Variants in NEO1 observed in about 807,000 individuals in gnomAD.
NEO1 encodes neogenin.
A neutral mutation model predicts 159.7 loss-of-function variants in NEO1; 63 were observed. The observed-to-expected ratio is 0.39, with a 90% CI of 0.32 to 0.49. NEO1 has a LOEUF of 0.49. Ranked by LOEUF, NEO1 falls within the 20% of genes least tolerant of loss-of-function variation. NEO1 has a pLI of 0.85. For synonymous variants in NEO1, 633 were observed against 662.0 expected, an observed-to-expected ratio of 0.96 and a Z score of 0.67; for missense variants, 1,615 against 1,831.0, an observed-to-expected ratio of 0.88 and a Z score of 2.15.
chr15:73,182,485 T>C (rs1196995921), intron 7 of NEO1, among the ~76,000 whole-genome samples: 1 of 152,122 alleles, frequency 6.6e-6, no homozygotes, highest in Non-Finnish European at 1.5e-5. Context: ...AAAGCAAATA[T>C]ATTAGTTCAT....
intron 5 of NEO1, among the ~76,000 whole-genome samples, chr15:73,140,303 C>T (rs906566063): frequency 1.3e-5 from 2 of 152,130 alleles, no homozygotes; most frequent in Admixed American, 6.5e-5. Flanking sequence ...TGCCTGTAAT[C>T]CCAGCACTTT....
chr15:73,140,712 C>T (rs1384620424), intron 5 of NEO1, among the ~76,000 whole-genome samples: 4 of 152,064 alleles, frequency 2.6e-5, no homozygotes, highest in South Asian at 4.1e-4. Flanking sequence ...CATCAAAATA[C>T]AAATGTAGAG....
At chr15:73,077,215 T>G (rs1257850899) in intron 1 of NEO1, among the ~76,000 whole-genome samples, 3 of 152,096 alleles carry the variant, frequency 2.0e-5, no homozygotes, top group Admixed American at 2.0e-4. Flanking sequence ...GGCTAATTTT[T>G]GTATTTCTAG....
intron 7 of NEO1, among the ~76,000 whole-genome samples, chr15:73,190,426 C>T (rs1341623576): frequency 1.3e-5 from 2 of 152,156 alleles, no homozygotes; most frequent in Non-Finnish European, 2.9e-5. Context: ...TTACCAGCTC[C>T]TTAAATGACT....
At chr15:73,260,248 G>C in intron 14 of NEO1, 23 bp from the exon 15 acceptor site, 1 of 1,596,328 alleles carries the variant, frequency 6.3e-7, no homozygotes, top group Non-Finnish European at 8.5e-7. Context: ...ATCTCATCTT[G>C]CTTTTCCACT....
intron 1 of NEO1, among the ~76,000 whole-genome samples, chr15:73,087,670 A>G (rs537898052): frequency 1.3e-4 from 20 of 152,316 alleles, no homozygotes; most frequent in Admixed American, 2.6e-4. Context: ...ATGTAATTGT[A>G]GAAACTTAAA....
chr15:73,208,520 T>C (rs552369080), intron 7 of NEO1, among the ~76,000 whole-genome samples: 93 of 152,336 alleles, frequency 6.1e-4, no homozygotes, highest in Non-Finnish European at 2.9e-4. Flanking sequence ...CTGCCTGTTT[T>C]CTAAAGCTTC....
intron 23 of NEO1, 93 bp downstream of exon 23, chr15:73,283,204 A>G: frequency 7.6e-7 from 1 of 1,323,080 alleles, no homozygotes; most frequent in Non-Finnish European, 1.0e-6. Context: ...CAAAGTTAAG[A>G]CATAAAAATA....
rs912881580 is a variant in NEO1 at position 73,064,038 on chromosome 15, C to T, written c.130+11233C>T. Reference sequence around the variant, plus strand: ...GGAAGTTCTAAGGAGTTAGCGTTTGCCACTTTCTGAAGAATACTTTAAAAA... The same window carrying T: ...GGAAGTTCTAAGGAGTTAGCGTTTGTCACTTTCTGAAGAATACTTTAAAAA... On this transcript the variant is annotated intron_variant, in intron 1 of 28. Coordinates refer to ENST00000261908, the MANE Select transcript of NEO1 (RefSeq NM_002499.4). Among the ~76,000 whole-genome samples, 29 of 152,262 alleles carry T rather than the reference C, an allele frequency of 1.9e-4. 1 individual carries two copies. In the East Asian group the frequency reaches 5.6e-3, roughly 29 times the overall value.
chr15:73,126,100 AATTT>A (rs1370114037), intron 3 of NEO1, among the ~76,000 whole-genome samples: 63 of 152,196 alleles, frequency 4.1e-4, no homozygotes, highest in African/African-American at 1.5e-3. Flanking sequence ...TTGCACATAG[AATTT>A]ATTTGAGAAG....
intron 7 of NEO1, among the ~76,000 whole-genome samples, chr15:73,201,903 A>G (rs1425724998): frequency 6.6e-6 from 1 of 151,602 alleles, no homozygotes; most frequent in Non-Finnish European, 1.5e-5. Context: ...ATAACAATGT[A>G]ATAAAGGTAT....
intron 9 of NEO1, among the ~76,000 whole-genome samples, chr15:73,246,315 A>G (rs1021579996): frequency 2.0e-5 from 3 of 152,206 alleles, no homozygotes; most frequent in African/African-American, 7.2e-5. Flanking sequence ...GGCAAGAACA[A>G]GAGGGCCATC....
intron 8 of NEO1, among the ~76,000 whole-genome samples, chr15:73,238,479 AATC>A (rs1262234044): frequency 6.6e-6 from 1 of 151,598 alleles, no homozygotes; most frequent in Non-Finnish European, 1.5e-5. Flanking sequence ...TAATTCAAGT[AATC>A]ATGTTGAGAT....
chr15:73,231,020 T>G (rs2038877479), intron 7 of NEO1, among the ~76,000 whole-genome samples: 1 of 152,330 alleles, frequency 6.6e-6, no homozygotes, highest in Non-Finnish European at 1.5e-5. Flanking sequence ...CATTTTTTGC[T>G]TTCATATTTT....
intron 13 of NEO1, among the ~76,000 whole-genome samples, chr15:73,257,265 T>TAAAAAA (rs10670933): frequency 7.0e-6 from 1 of 143,156 alleles, no homozygotes; most frequent in African/African-American, 2.6e-5. Flanking sequence ...TTGTTGCTGT[T>TAAAAAA]AAAAAAAAAA....
At chr15:73,283,279 C>G (rs2041806150) in intron 23 of NEO1, among the ~76,000 whole-genome samples, 168 bp downstream of exon 23, 2 of 152,154 alleles carry the variant, frequency 1.3e-5, no homozygotes, top group Admixed American at 6.5e-5. Flanking sequence ...CAGTCAGTGT[C>G]CTGGCAGAAA....
At chr15:73,211,675 A>G (rs1227198034) in intron 7 of NEO1, among the ~76,000 whole-genome samples, 1 of 152,210 alleles carries the variant, frequency 6.6e-6, no homozygotes, top group East Asian at 1.9e-4. Flanking sequence ...AGATCGCGCC[A>G]CTGCACTCCA....
chr15:73,112,653 C>A (rs2071067651), intron 1 of NEO1, among the ~76,000 whole-genome samples: 1 of 151,946 alleles, frequency 6.6e-6, no homozygotes, highest in Non-Finnish European at 1.5e-5. Context: ...AGATAATGAA[C>A]AAATAGCTAA....
At chr15:73,288,020 A>G (rs1388559316) in intron 23 of NEO1, among the ~76,000 whole-genome samples, 2 of 152,204 alleles carry the variant, frequency 1.3e-5, no homozygotes, top group Admixed American at 6.5e-5. Flanking sequence ...ATAATGAAAA[A>G]TGCTATCTTA....
Sources: gnomAD v4.1 joint callset for allele counts (sites outside exome capture counted in the v4.1 genomes callset) on GRCh38, gnomAD v4.1.1 for gene constraint, MANE v1.5 for transcripts, NCBI Gene and HGNC (gene_info 2026-07-23, HGNC 2026-07-21) for gene names.